The following CSMD1 variants were observed in gnomAD, a reference collection of about 807,000 sequenced individuals.
CSMD1 encodes CUB and Sushi multiple domains 1, also known as CUB and sushi domain-containing protein 1.
A neutral mutation model predicts 417.5 loss-of-function variants in CSMD1; 213 were observed. The ratio of observed to expected loss-of-function variants is 0.51; its 90% CI spans 0.46 to 0.57. The LOEUF (loss-of-function observed/expected upper bound fraction) is 0.57. Among genes scored for constraint, CSMD1 ranks in the 20% least tolerant of loss-of-function variants. CSMD1 has a pLI of 0.00. For synonymous variants in CSMD1, 2,862 were observed against 1,736.8 expected, an observed-to-expected ratio of 1.65 and a Z score of -16.11; for missense variants, 6,923 against 4,529.7, an observed-to-expected ratio of 1.53 and a Z score of -15.17.
intron 7 of CSMD1, among the ~76,000 whole-genome samples, chr8:3,684,081 G>C (rs1355410063): frequency 2.1e-5 from 3 of 146,294 alleles, no homozygotes; most frequent in East Asian, 4.0e-4. Flanking sequence ...CATGAAAAAA[G>C]CAACTTTAAA....
chr8:3,178,017 T>C (rs1456968004), intron 37 of CSMD1, among the ~76,000 whole-genome samples: 1 of 152,204 alleles, frequency 6.6e-6, no homozygotes, highest in Non-Finnish European at 1.5e-5. Flanking sequence ...TAGAATATAT[T>C]AATAATTCAA....
At chr8:4,037,230 G>A (rs141892012) in intron 3 of CSMD1, among the ~76,000 whole-genome samples, 12 of 152,288 alleles carry the variant, frequency 7.9e-5, no homozygotes, top group Middle Eastern at 3.4e-3. Context: ...TCTATGACAA[G>A]TAATATGACA....
At chr8:4,448,275 T>C (rs150938569) in intron 2 of CSMD1, among the ~76,000 whole-genome samples, 19 of 152,300 alleles carry the variant, frequency 1.2e-4, no homozygotes, top group African/African-American at 3.6e-4. Context: ...TTTCCAAATA[T>C]AGTTATAACA....
chr8:3,889,726 G>A (rs542355457), intron 5 of CSMD1, among the ~76,000 whole-genome samples: 16 of 151,724 alleles, frequency 1.1e-4, no homozygotes, highest in East Asian at 5.8e-4. Flanking sequence ...TGGATTTTGT[G>A]AAACAGACTT....
chr8:4,002,929 A>G (rs899843239), intron 4 of CSMD1, among the ~76,000 whole-genome samples: 17 of 152,328 alleles, frequency 1.1e-4, no homozygotes, highest in African/African-American at 4.1e-4. Context: ...TATCTCAACT[A>G]AACAGAAACT....
chr8:4,534,148 G>C (rs1360226745), intron 2 of CSMD1, among the ~76,000 whole-genome samples: 3 of 152,154 alleles, frequency 2.0e-5, no homozygotes, highest in African/African-American at 7.2e-5. Context: ...GAACTTTTGA[G>C]CTGATATCAT....
At chr8:4,437,458 AAAGTT>A (rs1302867156) in intron 2 of CSMD1, among the ~76,000 whole-genome samples, 1 of 152,200 alleles carries the variant, frequency 6.6e-6, no homozygotes, top group Non-Finnish European at 1.5e-5. Context: ...ACATTCACCA[AAAGTT>A]AATTACATGA....
chr8:3,131,360 G>T (rs61710047), intron 41 of CSMD1, among the ~76,000 whole-genome samples: 10,688 of 147,972 alleles, frequency 0.072, 708 homozygotes, highest in East Asian at 0.36. Flanking sequence ...AGAAAAAAAA[G>T]AAAAAATAAA....
At chr8:3,219,033 GAC>G (rs1167037550) in intron 29 of CSMD1, among the ~76,000 whole-genome samples, 4 of 151,974 alleles carry the variant, frequency 2.6e-5, no homozygotes, top group Admixed American at 6.6e-5. Flanking sequence ...CATGAACTGG[GAC>G]AGTTTTTTTC....
intron 5 of CSMD1, among the ~76,000 whole-genome samples, chr8:3,759,522 G>A (rs558609603): frequency 6.6e-6 from 1 of 152,020 alleles, no homozygotes; most frequent in Non-Finnish European, 1.5e-5. Flanking sequence ...CAAATAGTTT[G>A]GAAAATGAAA....
chr8:3,607,663 C>G (rs1198893373), intron 8 of CSMD1, among the ~76,000 whole-genome samples: 1 of 152,168 alleles, frequency 6.6e-6, no homozygotes, highest in Non-Finnish European at 1.5e-5. Flanking sequence ...CATTGTTAGG[C>G]AGTGTATGAC....
chr8:3,762,889 G>C (rs1357006729), intron 5 of CSMD1, among the ~76,000 whole-genome samples: 3 of 152,204 alleles, frequency 2.0e-5, no homozygotes, highest in South Asian at 2.1e-4. Context: ...GCTGATGAGA[G>C]CTGCTACTGA....
At position 3,080,932 on chromosome 8, in the gene CSMD1, T is replaced by C. The variant is rs189383420; in HGVS notation, c.7474+6165A>G. Among the ~76,000 whole-genome samples the C allele has an allele frequency of 4.9e-3, 746 of 151,568 alleles. 3 individuals are homozygous for C. Among genetic ancestry groups the C allele is most frequent in the African/African-American group, 0.017 (704 of 41,096 alleles). ...AAAATATGATGCGTCTACAATGTCA[T>C]TGGCAAAAAAAAGTGAATTAAAATA... On this transcript the variant is annotated intron_variant, in intron 49 of 69. Transcript: ENST00000635120.
chr8:3,572,982 T>C (rs1303415985), intron 10 of CSMD1, among the ~76,000 whole-genome samples: 2 of 152,120 alleles, frequency 1.3e-5, no homozygotes, highest in Non-Finnish European at 2.9e-5. Context: ...AACATAATTA[T>C]CAATAAACTA....
At chr8:3,064,097 C>T (rs1812764036) in intron 49 of CSMD1, among the ~76,000 whole-genome samples, 1 of 152,208 alleles carries the variant, frequency 6.6e-6, no homozygotes, top group South Asian at 2.1e-4. Flanking sequence ...AGAAATGAAG[C>T]AGCAAGCACA....
At chr8:3,777,858 T>C (rs1363428449) in intron 5 of CSMD1, among the ~76,000 whole-genome samples, 2 of 140,848 alleles carry the variant, frequency 1.4e-5, no homozygotes, top group African/African-American at 2.8e-5. Context: ...GAGTCTCAGT[T>C]CCCACTCCAG....
At chr8:4,772,003 G>C (rs1212269300) in intron 1 of CSMD1, among the ~76,000 whole-genome samples, 2 of 152,102 alleles carry the variant, frequency 1.3e-5, no homozygotes, top group Non-Finnish European at 2.9e-5. Flanking sequence ...CCCATGTCTC[G>C]TTTCACTGCT....
At chr8:3,140,115 G>A (rs1460665389) in intron 41 of CSMD1, among the ~76,000 whole-genome samples, 3 of 152,128 alleles carry the variant, frequency 2.0e-5, no homozygotes, top group South Asian at 4.2e-4. Context: ...TATCGGCCAG[G>A]TTGGTCTCAA....
In CSMD1 at chr8:3,087,206, C is replaced by G; in HGVS notation, c.7365G>C (p.Val2455=). 1 of 1,613,948 alleles carries G rather than the reference C, an allele frequency of 6.2e-7. No homozygotes were observed. Among genetic ancestry groups the G allele is most frequent in the Non-Finnish European group, 8.5e-7 (1 of 1,179,892 alleles). ...NRTAGAVGSK[V]HYFCKPGYRM... ...GGTATCCAGGCTTGCAAAAATAATG[C>G]ACTTTGCTTCCAACCGCTCCTGCAG... Residue 2455 remains valine, a synonymous_variant, in exon 49 of 70, where the codon GTG becomes GTC. Coordinates refer to ENST00000635120, the MANE Select transcript of CSMD1 (RefSeq NM_033225.6).
Sources: allele counts gnomAD v4.1 joint callset (sites outside exome capture counted in the v4.1 genomes callset), GRCh38; gene constraint gnomAD v4.1.1; transcripts MANE v1.5; gene names NCBI Gene and HGNC (gene_info 2026-07-23, HGNC 2026-07-21).